TTC29: variants seen among roughly 807,000 people sequenced by gnomAD.
The protein encoded by TTC29 is tetratricopeptide repeat domain 29, also known as tetratricopeptide repeat protein 29.
A neutral mutation model predicts 58.1 loss-of-function variants in TTC29; 49 were observed. The observed-to-expected ratio is 0.84, with a 90% confidence interval of 0.67 to 1.07. TTC29 has a LOEUF of 1.07. TTC29 is among the 50% of genes least tolerant of loss of function. TTC29 has a pLI of 0.00. For synonymous variants in TTC29, 209 were observed against 196.8 expected (o/e 1.06, Z -0.52); for missense variants, 582 against 555.6 (o/e 1.05, Z -0.48).
At chr4:146,870,097 G>A (rs1341326856) in intron 7 of TTC29, among the ~76,000 whole-genome samples, 1 of 152,068 alleles carries the variant, frequency 6.6e-6, no homozygotes, top group East Asian at 1.9e-4. Flanking sequence ...AGAGCCAAGT[G>A]GGGGTCCAGA....
chr4:146,732,694 T>C (rs1399861941), intron 11 of TTC29, among the ~76,000 whole-genome samples: 1 of 152,020 alleles, frequency 6.6e-6, no homozygotes, highest in Non-Finnish European at 1.5e-5. Flanking sequence ...CATGTAGATA[T>C]TGAAATGACC....
chr4:146,784,613 A>G (rs980335412), intron 11 of TTC29, among the ~76,000 whole-genome samples: 5 of 152,330 alleles, frequency 3.3e-5, no homozygotes, highest in Admixed American at 3.3e-4. Flanking sequence ...GTGAGGACAC[A>G]GCAAGCAGTT....
chr4:146,831,755 G>A (rs1251545179), intron 9 of TTC29: 1 of 449,592 alleles, frequency 2.2e-6, no homozygotes, highest in Non-Finnish European at 4.5e-6. Context: ...TAAGAAGCAA[G>A]GCTAAGAGGT....
chr4:146,812,103 A>T (rs1174066261), intron 10 of TTC29, among the ~76,000 whole-genome samples: 4 of 152,194 alleles, frequency 2.6e-5, no homozygotes, highest in African/African-American at 7.2e-5. Context: ...TAATTGAGAA[A>T]CATACAAATA....
chr4:146,866,332 T>G (rs1233255852), intron 8 of TTC29, among the ~76,000 whole-genome samples: 2 of 152,168 alleles, frequency 1.3e-5, no homozygotes, highest in Non-Finnish European at 2.9e-5. Flanking sequence ...CCATGTTGAG[T>G]GTGTACGCAT....
intron 8 of TTC29, among the ~76,000 whole-genome samples, chr4:146,844,901 G>A (rs1404012416): frequency 6.6e-6 from 1 of 152,196 alleles, no homozygotes; most frequent in Non-Finnish European, 1.5e-5. Flanking sequence ...AATGGCAGAG[G>A]TAGGAGGGCA....
chr4:146,797,832 T>A (rs868608838), intron 11 of TTC29, among the ~76,000 whole-genome samples: 2 of 130,038 alleles, frequency 1.5e-5, no homozygotes, highest in Non-Finnish European at 3.2e-5. Context: ...TTACTTTGTT[T>A]TATATATATA....
In TTC29 at chr4:146,805,013, C is replaced by T. The variant is rs545062123; in HGVS notation, c.1102-1328G>A. Among the ~76,000 whole-genome samples, 5 of 152,278 alleles carry T rather than the reference C, an allele frequency of 3.3e-5. No individual in the cohort carries two copies. The East Asian group carries it at 9.7e-4, about 30-fold the overall frequency. On this transcript the variant is annotated intron_variant, in intron 10 of 12. Coordinates refer to ENST00000325106, the MANE Select transcript of TTC29 (RefSeq NM_031956.4). ...TAGCTGGCATCTGGAGGGTGCCCCT[C>T]TGGGACGAAGCTTCCAGAGGAAGGA...
At chr4:146,907,090 C>G (rs1733569212) in intron 5 of TTC29, among the ~76,000 whole-genome samples, 1 of 152,168 alleles carries the variant, frequency 6.6e-6, no homozygotes, top group South Asian at 2.1e-4. Flanking sequence ...TCACTGTACT[C>G]CAGCCTGGTT....
At chr4:146,942,722 G>C in intron 2 of TTC29, 1 of 1,179,590 alleles carries the variant, frequency 8.5e-7, no homozygotes, top group Non-Finnish European at 1.2e-6. Flanking sequence ...AAACAACTAA[G>C]TTTGCCTCAT....
intron 5 of TTC29, among the ~76,000 whole-genome samples, chr4:146,905,610 T>C (rs1357581155): frequency 6.6e-6 from 1 of 152,150 alleles, no homozygotes; most frequent in East Asian, 1.9e-4. Flanking sequence ...TTACAAAGGC[T>C]ACAAGTAGCC....
chr4:146,875,453 C>T (rs995482847), intron 6 of TTC29, among the ~76,000 whole-genome samples: 6 of 152,100 alleles, frequency 3.9e-5, no homozygotes, highest in Admixed American at 2.0e-4. Context: ...TACTCTCAAC[C>T]AATATCCTCT....
At chr4:146,814,724 C>CAAAAAA (rs1023402149) in intron 10 of TTC29, among the ~76,000 whole-genome samples, 3 of 35,140 alleles carry the variant, frequency 8.5e-5, no homozygotes, top group Non-Finnish European at 1.3e-4. Context: ...GACTCCATCT[C>CAAAAAA]AAAAAAAAAA....
chr4:146,893,455 TGCTGGGAAAATTG>T (rs1424549388), intron 6 of TTC29, among the ~76,000 whole-genome samples: 2 of 152,122 alleles, frequency 1.3e-5, no homozygotes, highest in Non-Finnish European at 2.9e-5. Context: ...TAATAAATGG[TGCTGGGAAAATTG>T]GCTAGCCGTA....
At chr4:146,815,125 C>G (rs1751312747) in intron 10 of TTC29, among the ~76,000 whole-genome samples, 1 of 152,090 alleles carries the variant, frequency 6.6e-6, no homozygotes, top group Non-Finnish European at 1.5e-5. Flanking sequence ...AAAATAATTA[C>G]TTTGGCCTCT....
At chr4:146,832,396 T>G (rs1728223108) in intron 9 of TTC29, among the ~76,000 whole-genome samples, 1 of 152,194 alleles carries the variant, frequency 6.6e-6, no homozygotes, top group South Asian at 2.1e-4. Context: ...TACCAATGTT[T>G]ATTTAGAAGG....
Position 146,892,607 on chromosome 4 carries a change from C to T in TTC29, c.586+10937G>A, listed in dbSNP as rs143961705. Among the ~76,000 whole-genome samples, 1,439 of 152,212 alleles carry T rather than the reference C, an allele frequency of 9.5e-3. 13 individuals carry two copies. The highest frequency in any genetic ancestry group is 0.014 in the Non-Finnish European group (951 of 68,026). ...GAATGGGCAAAAACTGGAAGCATTC[C>T]CTTTGAAAACTGGTACAAGATAGGG... On this transcript the variant is annotated intron_variant, in intron 6 of 12. Transcript: ENST00000325106.
At chr4:146,797,715 C>T (rs1228633627) in intron 11 of TTC29, among the ~76,000 whole-genome samples, 2 of 151,320 alleles carry the variant, frequency 1.3e-5, no homozygotes, top group East Asian at 3.9e-4. Flanking sequence ...CTATGGTATG[C>T]CTCCATTTAG....
intron 8 of TTC29, among the ~76,000 whole-genome samples, chr4:146,842,948 C>A (rs1402178004): frequency 6.6e-6 from 1 of 152,114 alleles, no homozygotes. Flanking sequence ...CCCCTTTAGC[C>A]GTTTCACAGT....
Sources: allele counts gnomAD v4.1 joint callset (sites outside exome capture counted in the v4.1 genomes callset), GRCh38; gene constraint gnomAD v4.1.1; transcripts MANE v1.5; gene names NCBI Gene and HGNC (gene_info 2026-07-23, HGNC 2026-07-21).